Variants in ZDHHC2 observed in about 807,000 individuals in gnomAD.
ZDHHC2 encodes the protein palmitoyltransferase ZDHHC2.
In ZDHHC2, 51 loss-of-function variants were observed where a neutral mutation model predicts 55.6. That is an observed-to-expected ratio of 0.92 (90% CI 0.73 to 1.16). The LOEUF is 1.16. ZDHHC2 is among the 50% of genes most tolerant of loss of function. The probability of loss-of-function intolerance (pLI) is 0.00; values close to 1 mark genes in which losing one functional copy is unlikely to be tolerated. For missense variants in ZDHHC2, 491 were observed against 442.4 expected (o/e 1.11, Z -0.99); for synonymous variants, 199 against 152.9 (o/e 1.30, Z -2.22).
intron 8 of ZDHHC2, 52 bp downstream of exon 8, chr8:17,208,144 T>G: frequency 6.8e-7 from 1 of 1,466,700 alleles, no homozygotes; most frequent in Non-Finnish European, 9.1e-7. Flanking sequence ...TATACCAACA[T>G]TCATTGACAG....
intron 1 of ZDHHC2, among the ~76,000 whole-genome samples, chr8:17,176,954 A>T (rs1413721475): frequency 2.0e-5 from 3 of 152,208 alleles, no homozygotes; most frequent in Non-Finnish European, 4.4e-5. Flanking sequence ...TTAAACTGAA[A>T]ATGTTAACGT....
chr8:17,167,676 T>C (rs1352254419), intron 1 of ZDHHC2, among the ~76,000 whole-genome samples: 1 of 152,180 alleles, frequency 6.6e-6, no homozygotes, highest in African/African-American at 2.4e-5. Flanking sequence ...ATGCTATCTG[T>C]AATGAGAATT....
At chr8:17,195,965 A>AT (rs1806286305) in intron 4 of ZDHHC2, among the ~76,000 whole-genome samples, 1 of 152,164 alleles carries the variant, frequency 6.6e-6, no homozygotes, top group Admixed American at 6.5e-5. Context: ...TTTATATTTA[A>AT]TTTAAGGCAG....
At chr8:17,189,380 T>C (rs1805904878) in intron 3 of ZDHHC2, among the ~76,000 whole-genome samples, 1 of 152,162 alleles carries the variant, frequency 6.6e-6, no homozygotes, top group Admixed American at 6.5e-5. Flanking sequence ...TATTTATTTG[T>C]TGAATACTTT....
intron 1 of ZDHHC2, among the ~76,000 whole-genome samples, chr8:17,163,189 C>T (rs943478070): frequency 6.6e-6 from 1 of 152,306 alleles, no homozygotes; most frequent in African/African-American, 2.4e-5. Context: ...GCTGACGTTG[C>T]ACCTGAGGAA....
intron 11 of ZDHHC2, 119 bp downstream of exon 11, chr8:17,215,468 A>G: frequency 1.3e-6 from 1 of 782,554 alleles, no homozygotes; most frequent in Non-Finnish European, 2.1e-6. Context: ...TCAGACTTCT[A>G]TTCTAAATTC....
intron 1 of ZDHHC2, among the ~76,000 whole-genome samples, chr8:17,175,463 C>G (rs1585662116): frequency 6.6e-6 from 1 of 152,162 alleles, no homozygotes; most frequent in Admixed American, 6.5e-5. Flanking sequence ...GCTAATTATT[C>G]ACTATGCACT....
At chr8:17,188,966 A>G (rs186718053) in intron 3 of ZDHHC2, among the ~76,000 whole-genome samples, 1 of 151,992 alleles carries the variant, frequency 6.6e-6, no homozygotes, top group Non-Finnish European at 1.5e-5. Flanking sequence ...AGAAAATTCT[A>G]TACCCTCACC....
intron 10 of ZDHHC2, among the ~76,000 whole-genome samples, chr8:17,210,861 G>C (rs1204660086): frequency 5.9e-5 from 9 of 152,098 alleles, no homozygotes; most frequent in Non-Finnish European, 1.3e-4. Flanking sequence ...TGTGATAACT[G>C]TTAGAGTAAA....
intron 12 of ZDHHC2, among the ~76,000 whole-genome samples, chr8:17,217,478 A>T (rs562679173): frequency 1.3e-5 from 2 of 152,204 alleles, no homozygotes; most frequent in Non-Finnish European, 2.9e-5. Flanking sequence ...GTTGATGAAC[A>T]AGAGTCATTT....
At chr8:17,217,658 G>A (rs1807712888) in intron 12 of ZDHHC2, among the ~76,000 whole-genome samples, 1 of 152,128 alleles carries the variant, frequency 6.6e-6, no homozygotes, top group Admixed American at 6.5e-5. Context: ...CTAAGTCGAA[G>A]TGCAATATAA....
rs1054517636 is a variant in ZDHHC2, at chr8:17,222,713, T to C, written c.*2492T>C. On this transcript the variant is annotated 3_prime_UTR_variant, in exon 13 of 13. Transcript: ENST00000262096. ...CATATCCATGAATTCACTCCTAATA[T>C]ACCCTAATAAAGTGGTTGATCACCT... 8 of 151,774 alleles carry C rather than the reference T, an allele frequency of 5.3e-5. No homozygotes were observed. The South Asian group carries it at 1.0e-3, about 20-fold the overall frequency. 9.4% of individuals were successfully genotyped at this position (151,774 alleles called of 1,614,324 possible).
At chr8:17,199,578 T>C (rs1206387050) in intron 6 of ZDHHC2, among the ~76,000 whole-genome samples, 60 of 44,488 alleles carry the variant, frequency 1.3e-3, no homozygotes, top group Non-Finnish European at 4.6e-3. Context: ...GTCTTTGTCT[T>C]CTTCTTCTTC....
chr8:17,203,539 G>C (rs1455894330), intron 6 of ZDHHC2, among the ~76,000 whole-genome samples: 1 of 151,900 alleles, frequency 6.6e-6, no homozygotes, highest in Non-Finnish European at 1.5e-5. Context: ...CACCCATATT[G>C]TCCAAAGTTT....
At chr8:17,164,486 A>C (rs2150879609) in intron 1 of ZDHHC2, among the ~76,000 whole-genome samples, 1 of 152,298 alleles carries the variant, frequency 6.6e-6, no homozygotes, top group African/African-American at 2.4e-5. Context: ...GTATACAATT[A>C]AGCATTCCTG....
chr8:17,207,826 A>T (rs770853079), intron 7 of ZDHHC2, 134 bp from the exon 8 acceptor site: 1 of 689,728 alleles, frequency 1.4e-6, no homozygotes, highest in African/African-American at 1.9e-5. Flanking sequence ...AAGTTTTAAC[A>T]TAAAGCCACA....
At chr8:17,199,449 C>T (rs1380698315) in intron 6 of ZDHHC2, among the ~76,000 whole-genome samples, 1 of 139,532 alleles carries the variant, frequency 7.2e-6, no homozygotes, top group Non-Finnish European at 1.5e-5. Context: ...CCCTCTCCCC[C>T]AGTGTCTTTA....
intron 1 of ZDHHC2, among the ~76,000 whole-genome samples, chr8:17,174,411 C>G (rs1233315235): frequency 6.6e-6 from 1 of 152,144 alleles, no homozygotes; most frequent in Non-Finnish European, 1.5e-5. Flanking sequence ...CGATGAACAC[C>G]TGATCTCATA....
intron 6 of ZDHHC2, among the ~76,000 whole-genome samples, chr8:17,203,964 C>T (rs1806959455): frequency 2.0e-5 from 3 of 152,056 alleles, no homozygotes; most frequent in African/African-American, 7.2e-5. Flanking sequence ...TGTACTACCA[C>T]GCCCAGCTAA....
Sources: allele counts gnomAD v4.1 joint callset (sites outside exome capture counted in the v4.1 genomes callset), GRCh38; gene constraint gnomAD v4.1.1; transcripts MANE v1.5; gene names NCBI Gene and HGNC (gene_info 2026-07-23, HGNC 2026-07-21).